The following SGSM2 variants were observed in gnomAD, a reference collection of about 807,000 sequenced individuals.
SGSM2 encodes small G protein signaling modulator 2, also known as RUN and TBC1 domain containing 1.
SGSM2 carries 89 observed loss-of-function variants against 126.6 expected under a neutral mutation model. That is an observed-to-expected ratio of 0.70 (90% CI 0.59 to 0.84). The LOEUF is 0.84. Ranked by LOEUF, SGSM2 falls within the 40% of genes least tolerant of loss-of-function variation. The pLI is 0.00. For synonymous variants in SGSM2, 614 were observed against 574.3 expected (o/e 1.07, Z -0.99); for missense variants, 1,404 against 1,416.6 (o/e 0.99, Z 0.14).
chr17:2,375,727 A>G lies in SGSM2; in HGVS notation c.2336A>G (p.Glu779Gly), dbSNP rs1292754514. The G allele has an allele frequency of 6.2e-7, 1 of 1,609,514 alleles. No individual in the cohort carries two copies. The highest frequency in any genetic ancestry group is 8.5e-7 in the Non-Finnish European group (1 of 1,176,816). The change falls in exon 18 of 24, where the codon GAG becomes GGG. Residue 779 changes from glutamate (E) to glycine (G), a missense_variant. Coordinates refer to ENST00000268989, the MANE Select transcript of SGSM2 (RefSeq NM_014853.3). ...DEGQSVGFEEEDGGGEEGSSG... is the reference protein window; with the variant it reads ...DEGQSVGFEEGDGGGEEGSSG... ...GGGCAGAGCGTGGGCTTCGAAGAGGAGGACGGCGGTGGGGAGGAAGGCTCC... is the reference window on the plus strand; with the variant it reads ...GGGCAGAGCGTGGGCTTCGAAGAGGGGGACGGCGGTGGGGAGGAAGGCTCC...
chr17:2,370,359 C>T (rs911438651), intron 12 of SGSM2, among the ~76,000 whole-genome samples: 2 of 152,266 alleles, frequency 1.3e-5, no homozygotes, highest in African/African-American at 4.8e-5. Flanking sequence ...TGGAAGCTCT[C>T]GAGGGTCTTG....
Position 2,378,901 on chromosome 17 carries a change from G to T in SGSM2, c.2900-135G>T, listed in dbSNP as rs887233326. The T allele has an allele frequency of 2.8e-6, 3 of 1,067,702 alleles. No homozygotes were observed. In the African/African-American group the frequency reaches 4.7e-5, roughly 17 times the overall value. The allele number at this position is 1,067,702 out of a possible 1,614,324, so 66.1% of individuals were successfully genotyped here. On this transcript the variant is annotated intron_variant, in intron 22 of 23. Coordinates refer to ENST00000268989, the MANE Select transcript of SGSM2 (RefSeq NM_014853.3). ...TTAGAGGCCTGTGAGCAGCCAGTCC[G>T]GCCAGCATCAGCCCCAGCCCCAGCC...
At position 2,362,325 on chromosome 17, in the gene SGSM2, T is replaced by C; in HGVS notation, c.458+55T>C. The C allele has an allele frequency of 6.6e-7, 1 of 1,519,416 alleles. No individual in the cohort carries two copies. Among genetic ancestry groups the C allele is most frequent in the Non-Finnish European group, 8.8e-7 (1 of 1,135,270 alleles). The allele number at this position is 1,519,416 out of a possible 1,614,324, so 94.1% of individuals were successfully genotyped here. A position where few individuals can be genotyped will look rare whatever the true frequency, so the allele number is the denominator to read the frequency against. Reference sequence around the variant, plus strand: ...GTGACCACCCCGTTCCCCCCAAAACTGCAGGTGACCGCCCCGTTCCCCAAA... The same window carrying C: ...GTGACCACCCCGTTCCCCCCAAAACCGCAGGTGACCGCCCCGTTCCCCAAA... On this transcript the variant is annotated intron_variant, in intron 4 of 23. Transcript: ENST00000268989. The surrounding 1 kb of genome is among the most constrained non-coding windows in gnomAD (Gnocchi z 4.9).
chr17:2,363,017 G>A lies in SGSM2; in HGVS notation c.555G>A (p.Lys185=), dbSNP rs1165280172. The A allele has an allele frequency of 6.2e-7, 1 of 1,613,914 alleles. No individual in the cohort carries two copies. Among genetic ancestry groups the A allele is most frequent in the Non-Finnish European group, 8.5e-7 (1 of 1,180,056 alleles). The change falls in exon 6 of 24, where the codon AAG becomes AAA. Residue 185 remains lysine (K), a synonymous_variant. Coordinates refer to ENST00000268989, the MANE Select transcript of SGSM2 (RefSeq NM_014853.3). The surrounding 1 kb of genome is among the most constrained non-coding windows in gnomAD (Gnocchi z 4.2). The stretch of plus-strand genomic sequence containing the variant: ...GACCCTGTGCCTTGGAATACACTAA[G>A]CTCAAGACAGCCGATCACTACTGGA... ...LVGPCALEYT[K]LKTADHYWTD...
intron 16 of SGSM2, 108 bp downstream of exon 16, chr17:2,373,189 T>G (rs191994372): frequency 1.5e-4 from 228 of 1,552,920 alleles, no homozygotes; most frequent in South Asian, 8.7e-4. Context: ...GAAAGAAGCA[T>G]GGCAGGGCAG....
At chr17:2,341,934 A>G (rs1382029882) in intron 1 of SGSM2, among the ~76,000 whole-genome samples, 1 of 152,206 alleles carries the variant, frequency 6.6e-6, no homozygotes, top group African/African-American at 2.4e-5. Flanking sequence ...ACTGGAAACC[A>G]CCCAAACGCC....
chr17:2,369,543 G>A (rs1044976225), intron 12 of SGSM2, among the ~76,000 whole-genome samples: 1 of 152,130 alleles, frequency 6.6e-6, no homozygotes, highest in African/African-American at 2.4e-5. Flanking sequence ...CCAGCTATCT[G>A]CACTGGGCTC....
At position 2,377,068 on chromosome 17, in the gene SGSM2, G is replaced by A. The variant is rs752696419; in HGVS notation, c.2802G>A (p.Gln934=). The change falls in exon 21 of 24, where the codon CAG becomes CAA. Residue 934 remains glutamine, a splice_region_variant and synonymous_variant. Coordinates refer to ENST00000268989, the MANE Select transcript of SGSM2 (RefSeq NM_014853.3). ...TTGCCAACATGCGCTCCCTCATCCA[G>A]GTGAGGCCGGTTGCCACCCATGGGC... ...THFANMRSLI[Q]ILDSELFELM... is the part of the protein sequence containing the mutation. The A allele has an allele frequency of 1.3e-5, 21 of 1,606,442 alleles. No individual in the cohort carries two copies. Among genetic ancestry groups the A allele is most frequent in the Non-Finnish European group, 1.8e-5 (21 of 1,174,994 alleles).
In SGSM2 at chr17:2,379,874, G is replaced by A. The variant is rs2066340807; in HGVS notation, c.*354G>A. The A allele has an allele frequency of 7.7e-7, 1 of 1,303,856 alleles. No individual in the cohort carries two copies. The highest frequency in any genetic ancestry group is 9.8e-7 in the Non-Finnish European group (1 of 1,020,390). 80.8% of individuals were successfully genotyped at this position (1,303,856 alleles called of 1,614,324 possible). A position where few individuals can be genotyped will look rare whatever the true frequency, so the allele number is the denominator to read the frequency against. ...AACCTGGGGCCCCACAGGATTAACA[G>A]GGGCTATAGCGGCCTGGGCCCTACT... is the stretch of plus-strand genomic sequence containing the variant. On this transcript the variant is annotated 3_prime_UTR_variant, in exon 24 of 24. Coordinates refer to ENST00000268989, the MANE Select transcript of SGSM2 (RefSeq NM_014853.3).
rs962851815 is a variant in SGSM2 at position 2,379,664 on chromosome 17, C to T, written c.*144C>T. 1.7e-5 allele frequency: 24 copies of T among 1,454,066 alleles called. No individual in the cohort carries two copies. The highest frequency in any genetic ancestry group is 9.7e-5 in the South Asian group (7 of 72,278). 90.1% of individuals were successfully genotyped at this position (1,454,066 alleles called of 1,614,324 possible). ...CGGTTGTGAGCCTGGATCCGACTCC[C>T]GGCAGTGCTGACCCTGCAGGGCAAG... On this transcript the variant is annotated 3_prime_UTR_variant, in exon 24 of 24. Transcript: ENST00000268989.
chr17:2,353,763 C>G (rs993832799), intron 2 of SGSM2, among the ~76,000 whole-genome samples: 5 of 118,888 alleles, frequency 4.2e-5, no homozygotes, highest in African/African-American at 1.5e-4. Flanking sequence ...GAGACTCTGT[C>G]TTTAAAAAAA....
chr17:2,374,976 C>A (rs1339793228), intron 17 of SGSM2: 1 of 152,696 alleles, frequency 6.5e-6, no homozygotes, highest in Non-Finnish European at 1.5e-5. Context: ...TCCTACATCT[C>A]CCCACCTTGC....
At position 2,363,687 on chromosome 17, in the gene SGSM2, G is replaced by A; in HGVS notation, c.807+88G>A. On this transcript the variant is annotated intron_variant, in intron 7 of 23. Transcript: ENST00000268989. The surrounding 1 kb of genome is among the most constrained non-coding windows in gnomAD (Gnocchi z 4.2). ...CTAGCCATGGCTATTCCTTTCCTGA[G>A]GAGCTTGACCAGAGACGGGGGGGAG... 1.3e-6 allele frequency: 2 copies of A among 1,543,944 alleles called. No homozygotes were observed. Among genetic ancestry groups the A allele is most frequent in the Non-Finnish European group, 8.8e-7 (1 of 1,139,270 alleles).
intron 16 of SGSM2, 45 bp downstream of exon 16, chr17:2,373,126 G>C (rs1183477924): frequency 2.5e-6 from 4 of 1,606,450 alleles, no homozygotes; most frequent in African/African-American, 1.3e-5. Context: ...TGGGGAGCTG[G>C]GCCAGGGGAC....
In SGSM2 at chr17:2,372,337, C is replaced by T. The variant is rs753054227; in HGVS notation, c.1643-6C>T. 3.1e-6 allele frequency: 5 copies of T among 1,600,914 alleles called. No homozygotes were observed. In the East Asian group the frequency reaches 9.0e-5, roughly 29 times the overall value. On this transcript the variant is annotated splice_region_variant and splice_polypyrimidine_tract_variant and intron_variant, in intron 14 of 23. Coordinates refer to ENST00000268989, the MANE Select transcript of SGSM2 (RefSeq NM_014853.3). The surrounding 1 kb of genome is among the most constrained non-coding windows in gnomAD (Gnocchi z 6.0). Reference sequence around the variant, plus strand: ...GCCTCCTGCTGCCCACCGCTGCCCACCGCAGGGCTGGCACACTGCCGCCAC... The same window carrying T: ...GCCTCCTGCTGCCCACCGCTGCCCATCGCAGGGCTGGCACACTGCCGCCAC...
At position 2,371,181 on chromosome 17, in the gene SGSM2, G is replaced by A. The variant is rs1039696817; in HGVS notation, c.1424-81G>A. 3 of 1,438,772 alleles carry A rather than the reference G, an allele frequency of 2.1e-6. No homozygotes were observed. In the African/African-American group the frequency reaches 4.3e-5, roughly 21 times the overall value. 89.1% of individuals were successfully genotyped at this position (1,438,772 alleles called of 1,614,324 possible). A position where few individuals can be genotyped will look rare whatever the true frequency, so the allele number is the denominator to read the frequency against. On this transcript the variant is annotated intron_variant, in intron 12 of 23. Transcript: ENST00000268989. ...TGGGTGACTTGATGCTGCAGCTCTG[G>A]GCACAGAGGTGGGCATGGTGCAGGG...
chr17:2,377,499 A>AAAAAAAAAGAAAAAAAAAAACC (rs1567852764), intron 21 of SGSM2: 28 of 171,302 alleles, frequency 1.6e-4, no homozygotes, highest in African/African-American at 8.2e-4. Flanking sequence ...AAAAAAAAAA[A>AAAAAAAAAGAAAAAAAAAAACC]ACCATGGTTT....
chr17:2,347,671 T>A (rs2064662810), intron 2 of SGSM2, among the ~76,000 whole-genome samples: 1 of 151,682 alleles, frequency 6.6e-6, no homozygotes, highest in African/African-American at 2.4e-5. Context: ...GATGAGGTCT[T>A]GCTATGTTGC....
At chr17:2,364,387 G>T in intron 8 of SGSM2, 1 of 852,700 alleles carries the variant, frequency 1.2e-6, no homozygotes, top group Non-Finnish European at 1.8e-6. Context: ...GTTTGTCTGA[G>T]CCAAGCTCTC....
Sources: gnomAD v4.1 joint callset for allele counts (sites outside exome capture counted in the v4.1 genomes callset) on GRCh38, gnomAD v4.1.1 for gene constraint, Gnocchi (gnomAD v3.1) non-coding constraint, MANE v1.5 for transcripts, NCBI Gene and HGNC (gene_info 2026-07-23, HGNC 2026-07-21) for gene names.